Variants in FA2H observed in about 807,000 individuals in gnomAD.
The protein encoded by FA2H is fatty acid 2-hydroxylase, also known as fatty acid alpha-hydroxylase.
In FA2H, 22 loss-of-function variants were observed where a neutral mutation model predicts 44.9. That is an observed-to-expected ratio of 0.49 (90% CI 0.35 to 0.70). The LOEUF is 0.70. FA2H is among the 30% of genes least tolerant of loss of function. The pLI is 0.01. For missense variants in FA2H, 501 were observed against 504.9 expected (o/e 0.99, Z 0.07); for synonymous variants, 243 against 213.2 (o/e 1.14, Z -1.22).
At chr16:74,762,626 G>A (rs1178918768) in intron 1 of FA2H, among the ~76,000 whole-genome samples, 1 of 152,090 alleles carries the variant, frequency 6.6e-6, no homozygotes, top group Non-Finnish European at 1.5e-5. Flanking sequence ...CGCCTCCCTG[G>A]TTCAAGAATT....
intron 2 of FA2H, among the ~76,000 whole-genome samples, chr16:74,730,397 A>T (rs1172952548): frequency 1.3e-5 from 2 of 152,142 alleles, no homozygotes; most frequent in East Asian, 1.9e-4. Flanking sequence ...GCACTAACTA[A>T]ATCAAGCAAT....
intron 2 of FA2H, among the ~76,000 whole-genome samples, chr16:74,733,664 G>A (rs1034237147): frequency 7.2e-5 from 11 of 152,194 alleles, no homozygotes; most frequent in African/African-American, 1.4e-4. Context: ...TGGCGGGACC[G>A]GGTTTTGAGA....
intron 1 of FA2H, among the ~76,000 whole-genome samples, chr16:74,745,727 G>A (rs1175139186): frequency 6.6e-6 from 1 of 151,886 alleles, no homozygotes; most frequent in Non-Finnish European, 1.5e-5. Flanking sequence ...CCAATTCCTG[G>A]CTCATCACCA....
rs1962978331 is a variant in FA2H at position 74,774,736 on chromosome 16, G to C, written c.20C>G (p.Pro7Arg). The C allele has an allele frequency of 3.0e-6, 4 of 1,321,528 alleles. No individual in the cohort carries two copies. The highest frequency in any genetic ancestry group is 2.2e-5 in the South Asian group (1 of 44,510). 81.9% of individuals were successfully genotyped at this position (1,321,528 alleles called of 1,614,324 possible). A position where few individuals can be genotyped will look rare whatever the true frequency, so the allele number is the denominator to read the frequency against. The change falls in exon 1 of 7, where the codon CCC becomes CGC. Residue 7 changes from proline to arginine, a missense_variant. Transcript: ENST00000219368. MAPAPP[P>R]AASFSPSEVQ... ...CTCGGAGGGCGAGAAGGAGGCGGCG[G>C]GGGGCGGAGCGGGGGCCATGGCCGG...
chr16:74,751,761 C>T (rs1021447235), intron 1 of FA2H, among the ~76,000 whole-genome samples: 3 of 152,158 alleles, frequency 2.0e-5, no homozygotes, highest in Non-Finnish European at 4.4e-5. Flanking sequence ...GGCTGGGACA[C>T]AGCTCTAGAC....
intron 1 of FA2H, among the ~76,000 whole-genome samples, chr16:74,767,778 C>A (rs1490749932): frequency 6.6e-6 from 1 of 152,174 alleles, no homozygotes; most frequent in Non-Finnish European, 1.5e-5. Flanking sequence ...ATGTGTGTTG[C>A]TTTAAGCCAC....
At chr16:74,719,499 AC>A (rs1228866213) in intron 4 of FA2H, among the ~76,000 whole-genome samples, 1 of 151,626 alleles carries the variant, frequency 6.6e-6, no homozygotes, top group Admixed American at 6.6e-5. Flanking sequence ...AGAAGGCGAC[AC>A]TCCTGAGCCA....
At chr16:74,743,741 A>C (rs1962359343) in intron 1 of FA2H, among the ~76,000 whole-genome samples, 1 of 152,186 alleles carries the variant, frequency 6.6e-6, no homozygotes, top group African/African-American at 2.4e-5. Flanking sequence ...TGCTTCTGGC[A>C]AATAAGCCCC....
chr16:74,718,972 A>C lies in FA2H; in HGVS notation c.786+16T>G, dbSNP rs550285066. ...CTGCACATGCTAGGTCCGGGCTGGG[A>C]CCCCGCCCCGCTCACCTTGTGGTGC... On this transcript the variant is annotated intron_variant, in intron 5 of 6. Coordinates refer to ENST00000219368, the MANE Select transcript of FA2H (RefSeq NM_024306.5). 1.2e-5 allele frequency: 19 copies of C among 1,612,458 alleles called. No homozygotes were observed. The South Asian group carries it at 1.9e-4, about 16-fold the overall frequency.
intron 1 of FA2H, among the ~76,000 whole-genome samples, chr16:74,765,577 A>AT (rs1398228133): frequency 1.3e-5 from 2 of 151,860 alleles, no homozygotes; most frequent in Admixed American, 6.6e-5. Flanking sequence ...TCATTCATTC[A>AT]TTTTTTTGAG....
chr16:74,726,145 G>T, intron 4 of FA2H, 80 bp downstream of exon 4: 1 of 961,080 alleles, frequency 1.0e-6, no homozygotes. Context: ...TGTGCTCTCA[G>T]AAACTCTGGG....
chr16:74,740,051 G>C lies in FA2H; in HGVS notation c.335C>G (p.Pro112Arg). ...ETQKTDPAME[P>R]RFKVVDWDKD... ...GTCCCAATCCACCACTTTGAACCGTGGTTCCATAGCAGGATCTGTCTTCTG... is the reference window on the plus strand; with the variant it reads ...GTCCCAATCCACCACTTTGAACCGTCGTTCCATAGCAGGATCTGTCTTCTG... Residue 112 changes from proline to arginine, a missense_variant, in exon 2 of 7, where the codon CCA becomes CGA. Coordinates refer to ENST00000219368, the MANE Select transcript of FA2H (RefSeq NM_024306.5). The C allele has an allele frequency of 6.2e-7, 1 of 1,613,954 alleles. No individual in the cohort carries two copies. Among genetic ancestry groups the C allele is most frequent in the Non-Finnish European group, 8.5e-7 (1 of 1,179,856 alleles).
chr16:74,750,710 G>A (rs1330161249), intron 1 of FA2H, among the ~76,000 whole-genome samples: 1 of 151,724 alleles, frequency 6.6e-6, no homozygotes, highest in Non-Finnish European at 1.5e-5. Context: ...GGCATGGTGT[G>A]TTCTAGAAGA....
At chr16:74,741,825 T>TGTGTGC (rs1239423175) in intron 1 of FA2H, among the ~76,000 whole-genome samples, 2 of 106,386 alleles carry the variant, frequency 1.9e-5, no homozygotes, top group Non-Finnish European at 3.9e-5. Flanking sequence ...TGTGTGTGTG[T>TGTGTGC]GTGTGTGTGT....
chr16:74,757,841 A>T (rs562816055), intron 1 of FA2H, among the ~76,000 whole-genome samples: 1 of 152,114 alleles, frequency 6.6e-6, no homozygotes, highest in Admixed American at 6.6e-5. Flanking sequence ...ACATGGCAAA[A>T]CCCTGTCTCT....
At chr16:74,737,741 C>A (rs1238641393) in intron 2 of FA2H, among the ~76,000 whole-genome samples, 1 of 151,816 alleles carries the variant, frequency 6.6e-6, no homozygotes, top group Non-Finnish European at 1.5e-5. Context: ...GCCCCAGGGG[C>A]AGGTGTGCAA....
chr16:74,745,838 C>G (rs1962412101), intron 1 of FA2H, among the ~76,000 whole-genome samples: 1 of 127,500 alleles, frequency 7.8e-6, no homozygotes, highest in South Asian at 2.5e-4. Flanking sequence ...CAGAGTCTTG[C>G]TCTGTAGCCC....
chr16:74,769,003 G>C (rs1454036682), intron 1 of FA2H, among the ~76,000 whole-genome samples: 4 of 152,092 alleles, frequency 2.6e-5, no homozygotes, highest in Non-Finnish European at 5.9e-5. Flanking sequence ...TCCAGGATTG[G>C]TGGGGCATGG....
intron 4 of FA2H, among the ~76,000 whole-genome samples, chr16:74,720,890 T>C (rs989746335): frequency 2.0e-5 from 3 of 152,238 alleles, no homozygotes; most frequent in Non-Finnish European, 4.4e-5. Context: ...CATTCACCCA[T>C]GTTGTAACAT....
Sources: gnomAD v4.1 joint callset for allele counts (sites outside exome capture counted in the v4.1 genomes callset) on GRCh38, gnomAD v4.1.1 for gene constraint, MANE v1.5 for transcripts, NCBI Gene and HGNC (gene_info 2026-07-23, HGNC 2026-07-21) for gene names.